CCDC14: variants seen among roughly 807,000 people sequenced by gnomAD.
The protein encoded by CCDC14 is coiled-coil domain-containing protein 14.
CCDC14 carries 71 observed loss-of-function variants against 81.4 expected under a neutral mutation model. That is an observed-to-expected ratio of 0.87 (90% CI 0.72 to 1.06). The LOEUF (loss-of-function observed/expected upper bound fraction) is 1.06. Ranked by LOEUF, CCDC14 falls within the 50% of genes least tolerant of loss-of-function variation. The probability of loss-of-function intolerance (pLI) is 0.00; values close to 1 mark genes in which losing one functional copy is unlikely to be tolerated. For synonymous variants in CCDC14, 332 were observed against 364.8 expected (o/e 0.91, Z 1.03); for missense variants, 1,046 against 1,047.3 (o/e 1.00, Z 0.02).
Position 123,947,235 on chromosome 3 carries a change from A to G in CCDC14, c.769T>C (p.Phe257Leu). 1.9e-6 allele frequency: 3 copies of G among 1,613,958 alleles called. No individual in the cohort carries two copies. Among genetic ancestry groups the G allele is most frequent in the Non-Finnish European group, 2.5e-6 (3 of 1,179,862 alleles). Reference sequence around the variant, plus strand: ...CATGGAACTCCAGGACTGGTATTAAATGAATTCCGTAGAACATCAGTACAG... The same window carrying G: ...CATGGAACTCCAGGACTGGTATTAAGTGAATTCCGTAGAACATCAGTACAG... ...ATCTDVLRNS[F>L]NTSPGVPCSL... Residue 257 changes from phenylalanine (F) to leucine (L), a missense_variant, in exon 8 of 13, where the codon TTT (phenylalanine) becomes CTT (leucine). Physicochemically the swap from Phe to Leu is conservative, Grantham distance 22 (BLOSUM62 0). Coordinates refer to ENST00000409697, the MANE Select transcript of CCDC14 (RefSeq NM_001366335.1).
intron 12 of CCDC14, among the ~76,000 whole-genome samples, chr3:123,918,748 C>T (rs1394797910): frequency 6.6e-6 from 1 of 152,192 alleles, no homozygotes; most frequent in African/African-American, 2.4e-5. Flanking sequence ...AGGGCTAGAA[C>T]ACTTGGGGTT....
downstream of CCDC14, among the ~76,000 whole-genome samples, chr3:123,894,472 G>T (rs2034031519): frequency 1.3e-5 from 2 of 152,084 alleles, no homozygotes; most frequent in African/African-American, 4.8e-5. Flanking sequence ...TTTTAGAATG[G>T]GTTCCTTTTA....
chr3:123,903,540 C>T, intron 5 of CCDC14, among the ~76,000 whole-genome samples: 1 of 152,148 alleles, frequency 6.6e-6, no homozygotes, highest in East Asian at 1.9e-4. Context: ...AGTAGACACA[C>T]ACATGAGGTC....
At chr3:123,920,716 G>C (rs995828494) in intron 12 of CCDC14, among the ~76,000 whole-genome samples, 1 of 152,136 alleles carries the variant, frequency 6.6e-6, no homozygotes, top group Non-Finnish European at 1.5e-5. Flanking sequence ...TGAAGTAAAA[G>C]ATCACTAATT....
downstream of CCDC14, among the ~76,000 whole-genome samples, chr3:123,911,491 C>A (rs911320775): frequency 1.9e-4 from 29 of 152,124 alleles, no homozygotes; most frequent in African/African-American, 7.0e-4. Flanking sequence ...AAATTCTGGA[C>A]CCTTAAACAT....
At chr3:123,903,513 T>A (rs2034227522) in intron 5 of CCDC14, among the ~76,000 whole-genome samples, 1 of 152,166 alleles carries the variant, frequency 6.6e-6, no homozygotes, top group Admixed American at 6.5e-5. Context: ...CCTGGGACTC[T>A]ATTCCTTAGA....
intron 1 of CCDC14, among the ~76,000 whole-genome samples, chr3:123,959,604 C>T (rs928762334): frequency 4.6e-5 from 7 of 152,200 alleles, no homozygotes; most frequent in Admixed American, 4.6e-4. Context: ...TAATCATTTC[C>T]TGTGCTGTGC....
the CCDC14 span, among the ~76,000 whole-genome samples, chr3:123,888,971 C>T: frequency 6.6e-6 from 1 of 152,280 alleles, no homozygotes; most frequent in Middle Eastern, 3.4e-3. Flanking sequence ...CTCATTTCAA[C>T]ATTAACTCAA....
chr3:123,891,996 C>T, the CCDC14 span, among the ~76,000 whole-genome samples: 12 of 147,566 alleles, frequency 8.1e-5, no homozygotes, highest in East Asian at 2.2e-4. Flanking sequence ...CATGGATGGC[C>T]GCAGGCAAAG....
chr3:123,898,534 G>A (rs1445404340), intron 5 of CCDC14, among the ~76,000 whole-genome samples: 1 of 152,202 alleles, frequency 6.6e-6, no homozygotes, highest in African/African-American at 2.4e-5. Flanking sequence ...AGGCAGACAT[G>A]ATGAGTGGCA....
intron 9 of CCDC14, among the ~76,000 whole-genome samples, chr3:123,940,048 T>A (rs1042620062): frequency 1.1e-4 from 16 of 151,528 alleles, no homozygotes; most frequent in African/African-American, 2.7e-4. Context: ...AAAATAAAAA[T>A]TTTTTAAAGG....
At chr3:123,887,917 A>G in the CCDC14 span, among the ~76,000 whole-genome samples, 1 of 151,878 alleles carries the variant, frequency 6.6e-6, no homozygotes, top group South Asian at 2.1e-4. Context: ...AAATCTTTTT[A>G]ATTTCTTTCT....
chr3:123,933,940 C>T (rs372404198), intron 9 of CCDC14, among the ~76,000 whole-genome samples, 185 bp from the exon 10 acceptor site: 5 of 152,012 alleles, frequency 3.3e-5, no homozygotes, highest in African/African-American at 7.3e-5. Flanking sequence ...TATTATGAGG[C>T]CTGAGATAAT....
chr3:123,954,322 C>T (rs1393739940), intron 5 of CCDC14: 1 of 152,178 alleles, frequency 6.6e-6, no homozygotes, highest in African/African-American at 2.4e-5. Context: ...CTACTCAACT[C>T]TGACACTGCA....
chr3:123,904,635 A>C (rs888399636), intron 5 of CCDC14, among the ~76,000 whole-genome samples: 3 of 148,696 alleles, frequency 2.0e-5, no homozygotes, highest in East Asian at 4.0e-4. Flanking sequence ...AAAAAAAAAA[A>C]CCCTGGGATG....
At chr3:123,930,793 T>A (rs528883968) in intron 12 of CCDC14, 1 of 228,840 alleles carries the variant, frequency 4.4e-6, no homozygotes, top group South Asian at 1.4e-4. Flanking sequence ...GTGGCAGAGC[T>A]GGGATTCCAG....
At chr3:123,890,472 G>T in the CCDC14 span, among the ~76,000 whole-genome samples, 41 of 152,278 alleles carry the variant, frequency 2.7e-4, no homozygotes, top group African/African-American at 9.9e-4. Flanking sequence ...GAAAGTACAG[G>T]CATTGGGTAA....
At chr3:123,960,889 G>C (rs920503564) in intron 1 of CCDC14, among the ~76,000 whole-genome samples, 1 of 152,154 alleles carries the variant, frequency 6.6e-6, no homozygotes, top group Non-Finnish European at 1.5e-5. Flanking sequence ...GCGAAGGCTG[G>C]GACTCGAACC....
In CCDC14 at chr3:123,933,736, G is replaced by T; in HGVS notation, c.1363C>A (p.Gln455Lys). ...GTTTTCTGTTGTTCTCTGAGTTGCTGGTTCAAAATTCTCAACTGCCTAAAG... is the reference window on the plus strand; with the variant it reads ...GTTTTCTGTTGTTCTCTGAGTTGCTTGTTCAAAATTCTCAACTGCCTAAAG... ...QLRRQLRILN[Q>K]QLREQQKTQK... Residue 455 changes from glutamine to lysine, a missense_variant, in exon 10 of 13, where the codon CAG becomes AAG. Physicochemically the swap from Gln to Lys is moderately conservative, Grantham distance 53. Coordinates refer to ENST00000409697, the MANE Select transcript of CCDC14 (RefSeq NM_001366335.1). 6.4e-7 allele frequency: 1 copy of T among 1,568,784 alleles called. No homozygotes were observed. Among genetic ancestry groups the T allele is most frequent in the East Asian group, 2.3e-5 (1 of 43,482 alleles).
Sources: allele counts gnomAD v4.1 joint callset (sites outside exome capture counted in the v4.1 genomes callset), GRCh38; gene constraint gnomAD v4.1.1; transcripts MANE v1.5; gene names NCBI Gene and HGNC (gene_info 2026-07-23, HGNC 2026-07-21).